The following PRDX4 variants were observed in gnomAD, a reference collection of about 807,000 sequenced individuals.
PRDX4 encodes peroxiredoxin 4.
Under a neutral mutation model 20.5 loss-of-function variants are expected in PRDX4, and 12 were observed. The ratio of observed to expected loss-of-function variants is 0.58; its 90% CI spans 0.37 to 0.95. PRDX4 has a LOEUF of 0.95. Among genes scored for constraint, PRDX4 ranks in the 40% least tolerant of loss-of-function variants. The probability of loss-of-function intolerance (pLI) is 0.01; values close to 1 mark genes in which losing one functional copy is unlikely to be tolerated. For synonymous variants in PRDX4, 99 were observed against 87.5 expected, an observed-to-expected ratio of 1.13 and a Z score of -0.73; for missense variants, 180 against 207.3, an observed-to-expected ratio of 0.87 and a Z score of 0.81.
At chrX:23,674,825 T>G (rs1311610740) in intron 2 of PRDX4, among the ~76,000 whole-genome samples, 165 bp from the exon 3 acceptor site, 2 of 112,283 alleles carry the variant, frequency 1.8e-5, no homozygotes, top group Non-Finnish European at 3.8e-5. Context: ...AATATTTGAT[T>G]AAATGACAGT....
chrX:23,672,105 G>A (rs1927856901), intron 2 of PRDX4, among the ~76,000 whole-genome samples: 1 of 111,143 alleles, frequency 9.0e-6, no homozygotes, highest in East Asian at 2.8e-4. Context: ...TACTAAAAAT[G>A]CAAAAATTAG....
At chrX:23,685,840 G>A (rs1189398757) in intron 6 of PRDX4, among the ~76,000 whole-genome samples, 3 of 95,998 alleles carry the variant, frequency 3.1e-5, no homozygotes, top group Non-Finnish European at 4.1e-5. Flanking sequence ...TTTTTACTTT[G>A]CAGCTTGAGA....
intron 4 of PRDX4, 29 bp from the exon 5 acceptor site, chrX:23,682,367 C>T (rs765877455): frequency 2.8e-6 from 3 of 1,083,977 alleles, no homozygotes; most frequent in South Asian, 4.2e-5. Flanking sequence ...AAGAAATGAC[C>T]TCATCTCTAC....
intron 2 of PRDX4, among the ~76,000 whole-genome samples, chrX:23,673,698 G>A (rs1423733022): frequency 9.1e-6 from 1 of 109,784 alleles, no homozygotes; most frequent in Admixed American, 9.8e-5. Context: ...GGAGGTTGCA[G>A]TGAGCTGAGA....
intron 3 of PRDX4, among the ~76,000 whole-genome samples, chrX:23,678,128 G>A (rs1157957063): frequency 5.5e-5 from 6 of 109,681 alleles, no homozygotes; most frequent in East Asian, 5.7e-4. Context: ...ATAGCTGGGC[G>A]TGGTGGCGGG....
Position 23,671,570 on chromosome X carries a change from G to A in PRDX4, c.283G>A (p.Asp95Asn), listed in dbSNP as rs1052792731. The A allele has an allele frequency of 8.3e-6, 10 of 1,207,751 alleles. No homozygotes were observed. Among genetic ancestry groups the A allele is most frequent in the Admixed American group, 2.2e-5 (1 of 45,091 alleles). Residue 95 changes from aspartate to asparagine, a missense_variant, in exon 2 of 7, where the codon GAT (aspartate) becomes AAT (asparagine). Around this residue, in one of 3 missense-constraint regions of PRDX4, gnomAD observed 105 missense variants for 114.2 expected, o/e 0.92. Coordinates refer to ENST00000379341, the MANE Select transcript of PRDX4 (RefSeq NM_006406.2). The stretch of plus-strand genomic sequence containing the variant: ...CTACTGGGAAGGAACAGCTGTGATC[G>A]ATGGAGAATTTAAGGAGCTGAAGTT... ...APYWEGTAVI[D>N]GEFKELKLTD...
chrX:23,682,874 A>ATATATATATATATG (rs1928115549), intron 5 of PRDX4, among the ~76,000 whole-genome samples: 1 of 84,975 alleles, frequency 1.2e-5, no homozygotes, highest in African/African-American at 4.2e-5. Flanking sequence ...ATATATATAT[A>ATATATATATATATG]TATAAACTAA....
rs1379340807 is a variant in PRDX4 at position 23,686,361 on chromosome X, T to C, written c.*26T>C. On this transcript the variant is annotated 3_prime_UTR_variant, in exon 7 of 7. Coordinates refer to ENST00000379341, the MANE Select transcript of PRDX4 (RefSeq NM_006406.2). Reference sequence around the variant, plus strand: ...GAAATACTTCTTCAAGTTATGATGCTTGAAAGTTCTCAATAAAGTTCACGG... The same window carrying C: ...GAAATACTTCTTCAAGTTATGATGCCTGAAAGTTCTCAATAAAGTTCACGG... 2.8e-5 allele frequency: 31 copies of C among 1,109,554 alleles called. No individual in the cohort carries two copies. The highest frequency in any genetic ancestry group is 3.7e-5 in the Non-Finnish European group (30 of 820,368). The allele number at this position is 1,109,554 out of a possible 1,213,427, so 91.4% of individuals were successfully genotyped here.
intron 1 of PRDX4, among the ~76,000 whole-genome samples, chrX:23,668,905 C>A (rs1485975223): frequency 3.2e-5 from 3 of 93,289 alleles, no homozygotes; most frequent in African/African-American, 8.0e-5. Context: ...TTTCAGTTAA[C>A]CACTTTGGGA....
chrX:23,672,031 G>C (rs907006738), intron 2 of PRDX4, among the ~76,000 whole-genome samples: 1 of 112,039 alleles, frequency 8.9e-6, no homozygotes, highest in African/African-American at 3.2e-5. Context: ...GGGAGGCCAA[G>C]GCAGGTGGAT....
At chrX:23,671,484 C>G (rs758611998) in intron 1 of PRDX4, 45 bp from the exon 2 acceptor site, 6 of 1,010,560 alleles carry the variant, frequency 5.9e-6, no homozygotes, top group Non-Finnish European at 8.2e-6. Flanking sequence ...ACCATTCCAC[C>G]AACTTTCTCA....
chrX:23,681,650 G>T (rs1473057956), intron 4 of PRDX4, among the ~76,000 whole-genome samples: 2 of 112,376 alleles, frequency 1.8e-5, no homozygotes, highest in African/African-American at 6.5e-5. Flanking sequence ...AACGACTGAG[G>T]CAGTTTTAAA....
In PRDX4 at chrX:23,667,775, G is replaced by A. The variant is rs1927760834; in HGVS notation, c.205G>A (p.Val69Ile). 1 of 1,209,662 alleles carries A rather than the reference G, an allele frequency of 8.3e-7. No homozygotes were observed. Among genetic ancestry groups the A allele is most frequent in the Non-Finnish European group, 1.1e-6 (1 of 895,025 alleles). Residue 69 changes from valine to isoleucine, a missense_variant, in exon 1 of 7, where the codon GTC (valine) becomes ATC (isoleucine). By Grantham distance (29) the Val-to-Ile change is conservative (BLOSUM62 3). This residue lies in a region of PRDX4 where 105 missense variants were observed against 114.2 expected (regional missense o/e 0.92). Coordinates refer to ENST00000379341, the MANE Select transcript of PRDX4 (RefSeq NM_006406.2). ...VYPGEASRVS[V>I]ADHSLHLSKA... The stretch of plus-strand genomic sequence containing the variant: ...CCCGGGAGAGGCATCCCGGGTATCG[G>A]TCGCCGACCACTCCCTGCACCTAAG...
chrX:23,674,443 T>A (rs187466022), intron 2 of PRDX4, among the ~76,000 whole-genome samples: 1 of 109,595 alleles, frequency 9.1e-6, no homozygotes, highest in African/African-American at 3.3e-5. Context: ...AACATGAGGG[T>A]ATTAAGGTAT....
At chrX:23,677,878 T>TAA (rs779121029) in intron 3 of PRDX4, among the ~76,000 whole-genome samples, 1 of 112,494 alleles carries the variant, frequency 8.9e-6, no homozygotes, top group African/African-American at 3.2e-5. Context: ...GTTCCTGACT[T>TAA]ACGATGGTTT....
intron 1 of PRDX4, among the ~76,000 whole-genome samples, chrX:23,669,024 C>G (rs1187677497): frequency 1.8e-5 from 2 of 110,523 alleles, no homozygotes; most frequent in Non-Finnish European, 3.8e-5. Context: ...CGCCCGGGTT[C>G]AAGCGATTCT....
intron 4 of PRDX4, 137 bp from the exon 5 acceptor site, chrX:23,682,258 TG>T: frequency 4.0e-6 from 1 of 250,566 alleles, no homozygotes; most frequent in Non-Finnish European, 7.1e-6. Flanking sequence ...TGTGTGTGTG[TG>T]TGTGTGTATA....
At position 23,675,124 on chromosome X, in the gene PRDX4, A is replaced by G; in HGVS notation, c.476+18A>G. 1 of 1,211,408 alleles carries G rather than the reference A, an allele frequency of 8.3e-7. No individual in the cohort carries two copies. The highest frequency in any genetic ancestry group is 1.1e-6 in the Non-Finnish European group (1 of 895,328). ...TTGGCCTGGTCAGTATCTTACACTT[A>G]TATTCGTAGAAAAAAAAGAATGGAT... On this transcript the variant is annotated intron_variant, in intron 3 of 6. Transcript: ENST00000379341.
Position 23,679,233 on chromosome X carries a change from A to G in PRDX4, c.545A>G (p.His182Arg), listed in dbSNP as rs1240484171. 1 of 1,206,268 alleles carries G rather than the reference A, an allele frequency of 8.3e-7. No homozygotes were observed. The highest frequency in any genetic ancestry group is 1.7e-5 in the African/African-American group (1 of 57,700). ...IRIPLLSDLTHQISKDYGVYL... is the reference protein window; with the variant it reads ...IRIPLLSDLTRQISKDYGVYL... Reference sequence around the variant, plus strand: ...ATTCCACTTCTTTCAGATTTGACCCATCAGATCTCAAAGGACTATGGTGTA... The same window carrying G: ...ATTCCACTTCTTTCAGATTTGACCCGTCAGATCTCAAAGGACTATGGTGTA... The change falls in exon 4 of 7, where the codon CAT becomes CGT. Residue 182 changes from histidine to arginine, a missense_variant. His to Arg is a conservative substitution (Grantham distance 29, BLOSUM62 0). This residue lies in a region of PRDX4 where 73 missense variants were observed against 76.5 expected (regional missense o/e 0.95). Coordinates refer to ENST00000379341, the MANE Select transcript of PRDX4 (RefSeq NM_006406.2).
Sources: gnomAD v4.1 joint callset for allele counts (sites outside exome capture counted in the v4.1 genomes callset) on GRCh38, gnomAD v4.1.1 for gene constraint, gnomAD v4.1.1 regional missense constraint, MANE v1.5 for transcripts, NCBI Gene and HGNC (gene_info 2026-07-23, HGNC 2026-07-21) for gene names.